Variants in CTNNA2 observed in about 807,000 individuals in gnomAD.
The protein encoded by CTNNA2 is catenin alpha 2, also known as catenin alpha-2.
A neutral mutation model predicts 101.0 loss-of-function variants in CTNNA2; 42 were observed. That is an observed-to-expected ratio of 0.42 (90% CI 0.32 to 0.54). The LOEUF is 0.54. CTNNA2 is among the 20% of genes least tolerant of loss of function. The pLI is 0.14. For missense variants in CTNNA2, 871 were observed against 1,223.1 expected (o/e 0.71, Z 4.29); for synonymous variants, 450 against 456.4 (o/e 0.99, Z 0.18).
intron 7 of CTNNA2, among the ~76,000 whole-genome samples, chr2:80,131,973 C>T (rs1356512632): frequency 3.9e-5 from 6 of 151,932 alleles, no homozygotes; most frequent in Admixed American, 2.6e-4. Context: ...CCTAGCTACT[C>T]GGGAGGCTGA....
chr2:80,230,551 A>T (rs1420964520), intron 7 of CTNNA2, among the ~76,000 whole-genome samples: 1 of 152,060 alleles, frequency 6.6e-6, no homozygotes, highest in African/African-American at 2.4e-5. Flanking sequence ...AACAAATGAG[A>T]ACCTGTTCCC....
chr2:80,078,889 G>A (rs925608099), intron 7 of CTNNA2, among the ~76,000 whole-genome samples: 5 of 152,148 alleles, frequency 3.3e-5, no homozygotes, highest in Admixed American at 6.5e-5. Flanking sequence ...CTAGGGGGAT[G>A]ACATGGTTTC....
chr2:79,306,654 G>C (rs1676255804), intron 2 of CTNNA2, among the ~76,000 whole-genome samples: 1 of 152,128 alleles, frequency 6.6e-6, no homozygotes, highest in African/African-American at 2.4e-5. Context: ...GGGTATCTGT[G>C]TGAGAATTTT....
chr2:79,383,107 G>A (rs1410295458), intron 4 of CTNNA2, among the ~76,000 whole-genome samples: 2 of 152,174 alleles, frequency 1.3e-5, no homozygotes, highest in African/African-American at 4.8e-5. Flanking sequence ...ATATGAAAAA[G>A]CATTTGTGAA....
chr2:79,361,461 T>C (rs2104447253), intron 3 of CTNNA2, among the ~76,000 whole-genome samples: 2 of 152,306 alleles, frequency 1.3e-5, no homozygotes, highest in Admixed American at 1.3e-4. Context: ...TCGTCATCTT[T>C]CTGAGCTGTT....
intron 4 of CTNNA2, among the ~76,000 whole-genome samples, chr2:79,453,099 A>G (rs1670775586): frequency 6.6e-6 from 1 of 152,120 alleles, no homozygotes; most frequent in Non-Finnish European, 1.5e-5. Context: ...CTGTGTAGTC[A>G]TGATTTGGTG....
intron 7 of CTNNA2, among the ~76,000 whole-genome samples, chr2:79,998,993 A>T (rs1210278896): frequency 6.6e-6 from 1 of 152,172 alleles, no homozygotes; most frequent in African/African-American, 2.4e-5. Flanking sequence ...GGGATTGAAG[A>T]CAATAGAAGT....
intron 2 of CTNNA2, among the ~76,000 whole-genome samples, chr2:79,297,681 ATATC>A (rs1168990445): frequency 1.3e-5 from 2 of 152,162 alleles, no homozygotes; most frequent in Non-Finnish European, 2.9e-5. Context: ...CTCTCTATCT[ATATC>A]TATCTATCTA....
chr2:80,594,761 C>T (rs1696799954), intron 15 of CTNNA2, among the ~76,000 whole-genome samples: 2 of 151,956 alleles, frequency 1.3e-5, no homozygotes, highest in Non-Finnish European at 2.9e-5. Context: ...AAACACTGCC[C>T]TTTTCCAAGA....
At chr2:79,856,829 C>A (rs1681177503) in intron 3 of CTNNA2, among the ~76,000 whole-genome samples, 1 of 152,166 alleles carries the variant, frequency 6.6e-6, no homozygotes, top group Non-Finnish European at 1.5e-5. Flanking sequence ...CTCCCTCTCC[C>A]ATCTCCTTGG....
intron 9 of CTNNA2, among the ~76,000 whole-genome samples, chr2:80,473,244 A>G (rs12478908): frequency 0.39 from 58,594 of 151,936 alleles, 12,393 homozygotes; most frequent in East Asian, 0.75. Context: ...AGATCATTCC[A>G]AGTGGAAGGA....
At chr2:79,560,259 A>T (rs986919619) in intron 1 of CTNNA2, among the ~76,000 whole-genome samples, 1 of 151,874 alleles carries the variant, frequency 6.6e-6, no homozygotes, top group African/African-American at 2.4e-5. Context: ...GTTAGAATTA[A>T]GTGAAATGGA....
intron 8 of CTNNA2, among the ~76,000 whole-genome samples, chr2:80,406,109 G>A (rs527656640): frequency 2.6e-5 from 4 of 152,182 alleles, no homozygotes; most frequent in Non-Finnish European, 5.9e-5. Context: ...TGTAATGCCA[G>A]CATTTTGGGA....
intron 4 of CTNNA2, among the ~76,000 whole-genome samples, chr2:79,418,538 T>C (rs1678507567): frequency 6.6e-6 from 1 of 152,150 alleles, no homozygotes; most frequent in African/African-American, 2.4e-5. Context: ...TCAAAGTCTT[T>C]CCTGACCAAG....
At chr2:80,291,820 G>A (rs1350462039) in intron 7 of CTNNA2, among the ~76,000 whole-genome samples, 1 of 152,160 alleles carries the variant, frequency 6.6e-6, no homozygotes, top group Non-Finnish European at 1.5e-5. Flanking sequence ...GAAGATGTGT[G>A]TGCACATGGC....
At chr2:79,759,659 C>T (rs1384511288) in intron 3 of CTNNA2, among the ~76,000 whole-genome samples, 1 of 152,158 alleles carries the variant, frequency 6.6e-6, no homozygotes, top group African/African-American at 2.4e-5. Flanking sequence ...CTTTCCCTCC[C>T]ACTTTTTTCT....
chr2:80,396,407 T>C (rs1678017973), intron 8 of CTNNA2, among the ~76,000 whole-genome samples: 1 of 152,216 alleles, frequency 6.6e-6, no homozygotes, highest in Non-Finnish European at 1.5e-5. Flanking sequence ...ATTTTAAAGC[T>C]GTGGGCACAG....
intron 2 of CTNNA2, among the ~76,000 whole-genome samples, chr2:79,662,961 G>T (rs1449931106): frequency 6.6e-6 from 1 of 152,094 alleles, no homozygotes; most frequent in Admixed American, 6.6e-5. Context: ...ACGCTGTTCA[G>T]GCCTCCGACT....
At chr2:80,348,418 T>C (rs1672975054) in intron 7 of CTNNA2, among the ~76,000 whole-genome samples, 1 of 152,174 alleles carries the variant, frequency 6.6e-6, no homozygotes, top group Non-Finnish European at 1.5e-5. Flanking sequence ...TGCTATGCAG[T>C]AGTTATTTCT....
Sources: gnomAD v4.1 joint callset for allele counts (sites outside exome capture counted in the v4.1 genomes callset) on GRCh38, gnomAD v4.1.1 for gene constraint, MANE v1.5 for transcripts, NCBI Gene and HGNC (gene_info 2026-07-23, HGNC 2026-07-21) for gene names.